Variants in ASPH observed in about 807,000 individuals in gnomAD.
ASPH encodes the protein aspartate beta-hydroxylase, also known as aspartyl/asparaginyl beta-hydroxylase.
Under a neutral mutation model 118.4 loss-of-function variants are expected in ASPH, and 100 were observed. The observed-to-expected ratio is 0.84, with a 90% CI of 0.72 to 1.00. ASPH has a LOEUF of 1.00. Among genes scored for constraint, ASPH ranks in the 50% least tolerant of loss-of-function variants. ASPH has a pLI of 0.00. For synonymous variants in ASPH, 315 were observed against 325.6 expected, an observed-to-expected ratio of 0.97 and a Z score of 0.35; for missense variants, 920 against 919.5, an observed-to-expected ratio of 1.00 and a Z score of -0.01.
intron 14 of ASPH, among the ~76,000 whole-genome samples, chr8:61,602,507 A>T (rs1005867648): frequency 6.6e-6 from 1 of 151,408 alleles, no homozygotes; most frequent in African/African-American, 2.5e-5. Context: ...ACGGTAACAG[A>T]CTGAATTCTA....
chr8:61,550,571 A>AT (rs1825656264), intron 20 of ASPH, among the ~76,000 whole-genome samples: 1 of 152,186 alleles, frequency 6.6e-6, no homozygotes, highest in Admixed American at 6.5e-5. Flanking sequence ...ATGGGCTGTC[A>AT]TAAGTGGCCC....
Position 61,628,323 on chromosome 8 carries a change from C to CT in ASPH, c.934+5359dup, listed in dbSNP as rs398008041. The CT allele has an allele frequency of 4.0e-3, 785 of 196,494 alleles. 3 individuals are homozygous for CT. Among genetic ancestry groups the CT allele is most frequent in the Middle Eastern group, 0.011 (5 of 446 alleles). The allele number at this position is 196,494 out of a possible 1,614,324, so 12.2% of individuals were successfully genotyped here. On this transcript the variant is annotated intron_variant, in intron 13 of 24. Transcript: ENST00000379454. ...TACAGGCACGTGACACCAAGCCCGG[C>CT]TTTTTTTTTTTTTTTTTTTTTTTTT...
At chr8:61,710,741 G>T (rs1837878336) in intron 1 of ASPH, among the ~76,000 whole-genome samples, 1 of 152,124 alleles carries the variant, frequency 6.6e-6, no homozygotes, top group South Asian at 2.1e-4. Flanking sequence ...GATGGTCTTT[G>T]GCTAAAGAAA....
At position 61,589,438 on chromosome 8, in the gene ASPH, C is replaced by G. The variant is rs957031205; in HGVS notation, c.977-5409G>C. ...CAAAAATCTTTTGGGAGGTAATTCA[C>G]TCACCCATGTTTAAGACACACTTAC... On this transcript the variant is annotated intron_variant, in intron 14 of 24. Transcript: ENST00000379454. 1.2e-4 allele frequency among the ~76,000 whole-genome samples: 18 copies of G among 152,302 alleles called. No individual in the cohort carries two copies. In the South Asian group the frequency reaches 2.5e-3, roughly 21 times the overall value.
At chr8:61,654,518 G>A (rs1812659274) in intron 3 of ASPH, among the ~76,000 whole-genome samples, 1 of 152,162 alleles carries the variant, frequency 6.6e-6, no homozygotes, top group African/African-American at 2.4e-5. Flanking sequence ...TCAAGGTGAT[G>A]TGAAGGGCAG....
chr8:61,597,443 T>C (rs577032194), intron 14 of ASPH, among the ~76,000 whole-genome samples: 2 of 152,258 alleles, frequency 1.3e-5, no homozygotes, highest in South Asian at 4.1e-4. Context: ...TTTATGGATA[T>C]GAACAGAGGC....
chr8:61,583,706 T>C (rs1162986115), intron 15 of ASPH, among the ~76,000 whole-genome samples: 1 of 152,048 alleles, frequency 6.6e-6, no homozygotes, highest in Non-Finnish European at 1.5e-5. Flanking sequence ...GTGATGGAGG[T>C]AGGCTGACAC....
intron 1 of ASPH, among the ~76,000 whole-genome samples, chr8:61,686,013 C>T (rs1830374739): frequency 1.3e-5 from 2 of 152,096 alleles, no homozygotes; most frequent in African/African-American, 4.8e-5. Context: ...AAGTGATCTG[C>T]CCACCTCAGC....
At chr8:61,570,616 T>C (rs1168958080) in intron 16 of ASPH, among the ~76,000 whole-genome samples, 3 of 152,192 alleles carry the variant, frequency 2.0e-5, no homozygotes, top group Non-Finnish European at 4.4e-5. Flanking sequence ...AAAATATCAC[T>C]ACTAAAATGG....
intron 21 of ASPH, among the ~76,000 whole-genome samples, chr8:61,543,126 C>A (rs1330637528): frequency 1.3e-5 from 2 of 152,004 alleles, no homozygotes; most frequent in Admixed American, 6.6e-5. Flanking sequence ...GTTTATCCTC[C>A]TTATAATTCA....
At chr8:61,690,670 CCTTT>C (rs772150705) in intron 1 of ASPH, among the ~76,000 whole-genome samples, 56 of 152,160 alleles carry the variant, frequency 3.7e-4, no homozygotes, top group African/African-American at 1.2e-3. Context: ...CAGGCAGCAA[CCTTT>C]CTAAGTTGTT....
At chr8:61,594,821 G>T (rs1358575266) in intron 14 of ASPH, among the ~76,000 whole-genome samples, 3 of 152,036 alleles carry the variant, frequency 2.0e-5, no homozygotes, top group African/African-American at 7.2e-5. Flanking sequence ...ATCCACCAAG[G>T]GTTCTTGGAA....
chr8:61,532,080 T>C (rs1257374825), intron 21 of ASPH, among the ~76,000 whole-genome samples: 2 of 152,204 alleles, frequency 1.3e-5, no homozygotes, highest in African/African-American at 4.8e-5. Context: ...AATTGTATAA[T>C]AATTCTATTT....
At chr8:61,512,501 C>T (rs898993014) in intron 24 of ASPH, among the ~76,000 whole-genome samples, 2 of 152,198 alleles carry the variant, frequency 1.3e-5, no homozygotes, top group Admixed American at 1.3e-4. Context: ...CCCTTAGAGC[C>T]TCCAGAAGGA....
intron 3 of ASPH, among the ~76,000 whole-genome samples, chr8:61,671,258 C>T (rs1822355365): frequency 1.3e-5 from 2 of 152,176 alleles, no homozygotes; most frequent in African/African-American, 2.4e-5. Context: ...GATGTAGATT[C>T]TCCCTACAGT....
At chr8:61,611,051 C>T (rs772798344) in intron 14 of ASPH, among the ~76,000 whole-genome samples, 1 of 152,226 alleles carries the variant, frequency 6.6e-6, no homozygotes, top group East Asian at 1.9e-4. Context: ...AAGGACCACA[C>T]TTCATACTTC....
chr8:61,702,108 C>A (rs1835363855), intron 1 of ASPH, among the ~76,000 whole-genome samples: 1 of 152,036 alleles, frequency 6.6e-6, no homozygotes, highest in African/African-American at 2.4e-5. Context: ...AATGTACCTA[C>A]CAAGAGAAAA....
intron 9 of ASPH, 96 bp from the exon 10 acceptor site, chr8:61,643,016 C>T: frequency 9.3e-7 from 1 of 1,081,010 alleles, no homozygotes; most frequent in Non-Finnish European, 1.3e-6. Flanking sequence ...ATCGTAAACA[C>T]AGAACTCTAC....
At position 61,681,015 on chromosome 8, in the gene ASPH, G is replaced by A; in HGVS notation, c.275C>T (p.Ala92Val). Residue 92 changes from alanine to valine, a missense_variant, in exon 3 of 25, where the codon GCT becomes GTT. Physicochemically the swap from Ala to Val is moderately conservative, Grantham distance 64. Coordinates refer to ENST00000379454, the MANE Select transcript of ASPH (RefSeq NM_004318.4). ...CACATCAAAATCTCCATCACCATCA[G>A]CATCATAGATTCCTAGTTTTCCTAT... ...EVLGKLGIYD[A>V]DGDGDFDVDD... 1 of 1,603,638 alleles carries A rather than the reference G, an allele frequency of 6.2e-7. No homozygotes were observed. The highest frequency in any genetic ancestry group is 8.5e-7 in the Non-Finnish European group (1 of 1,174,650).
Sources: allele counts gnomAD v4.1 joint callset (sites outside exome capture counted in the v4.1 genomes callset), GRCh38; gene constraint gnomAD v4.1.1; transcripts MANE v1.5; gene names NCBI Gene and HGNC (gene_info 2026-07-23, HGNC 2026-07-21).